AGBL4: variants seen among roughly 807,000 people sequenced by gnomAD.
AGBL4 encodes AGBL carboxypeptidase 4.
Under a neutral mutation model 66.4 loss-of-function variants are expected in AGBL4, and 58 were observed. The observed-to-expected ratio is 0.87, with a 90% CI of 0.71 to 1.09. The LOEUF (loss-of-function observed/expected upper bound fraction) is 1.09, where lower values mean the gene tolerates loss of function less well. AGBL4 is among the 50% of genes least tolerant of loss of function. The pLI, the probability that AGBL4 is intolerant of heterozygous loss-of-function variation, is 0.00. For missense variants in AGBL4, 579 were observed against 631.0 expected (o/e 0.92, Z 0.88); for synonymous variants, 234 against 222.9 (o/e 1.05, Z -0.44).
chr1:49,473,327 A>G (rs1646784033), intron 3 of AGBL4, among the ~76,000 whole-genome samples: 2 of 152,010 alleles, frequency 1.3e-5, no homozygotes, highest in Non-Finnish European at 2.9e-5. Context: ...CTTTTTAATA[A>G]TAGCCATTCT....
chr1:48,945,835 T>C (rs958130480), intron 5 of AGBL4, among the ~76,000 whole-genome samples: 1 of 152,224 alleles, frequency 6.6e-6, no homozygotes, highest in Admixed American at 6.5e-5. Flanking sequence ...ATTAATTAGC[T>C]GTGTGATCAT....
chr1:48,554,103 C>T (rs1644287791), intron 11 of AGBL4, among the ~76,000 whole-genome samples: 1 of 152,120 alleles, frequency 6.6e-6, no homozygotes, highest in Admixed American at 6.5e-5. Context: ...TCCTGGGAAG[C>T]ATCAAATCCT....
intron 6 of AGBL4, among the ~76,000 whole-genome samples, chr1:48,788,488 G>A (rs745876202): frequency 1.3e-5 from 2 of 152,102 alleles, no homozygotes; most frequent in Non-Finnish European, 2.9e-5. Flanking sequence ...ATAAATTGTA[G>A]GACTTAAGTT....
chr1:49,070,982 G>A (rs1450318657), intron 4 of AGBL4, among the ~76,000 whole-genome samples: 2 of 151,958 alleles, frequency 1.3e-5, no homozygotes, highest in African/African-American at 4.9e-5. Flanking sequence ...GAGGGTGTAA[G>A]CATCCAGGAA....
At chr1:49,453,140 G>A (rs575605944) in intron 3 of AGBL4, among the ~76,000 whole-genome samples, 2 of 151,984 alleles carry the variant, frequency 1.3e-5, no homozygotes, top group Non-Finnish European at 2.9e-5. Context: ...AGGTGACTAA[G>A]GTCATGCCAC....
In AGBL4 at chr1:49,283,035, T is replaced by A. The variant is rs113451290; in HGVS notation, c.283-37171A>T. The stretch of plus-strand genomic sequence containing the variant: ...GTGCCCACCACAGCTCAAGAAGGCC[T>A]GCCTGCCTCTGTAGGCTCCACCTCT... On this transcript the variant is annotated intron_variant, in intron 3 of 13. Coordinates refer to ENST00000371839, the MANE Select transcript of AGBL4 (RefSeq NM_032785.4). Among the ~76,000 whole-genome samples, 264 of 152,342 alleles carry A rather than the reference T, an allele frequency of 1.7e-3. 1 individual carries two copies. Among genetic ancestry groups the A allele is most frequent in the African/African-American group, 5.9e-3 (246 of 41,580 alleles).
Position 49,832,358 on chromosome 1 carries a change from G to A in AGBL4, c.157+19038C>T, listed in dbSNP as rs1436299991. ...TTTTTATGGCTGCATAGTATTCCAT[G>A]GTGTATATGTGCCACATTTTCTTAA... is the stretch of plus-strand genomic sequence containing the variant. On this transcript the variant is annotated intron_variant, in intron 2 of 13. Coordinates refer to ENST00000371839, the MANE Select transcript of AGBL4 (RefSeq NM_032785.4). Among the ~76,000 whole-genome samples the A allele has an allele frequency of 4.0e-5, 6 of 150,256 alleles. No individual in the cohort carries two copies. In the East Asian group the frequency reaches 9.7e-4, roughly 24 times the overall value.
At chr1:48,954,587 A>G (rs567803093) in intron 5 of AGBL4, among the ~76,000 whole-genome samples, 1 of 152,322 alleles carries the variant, frequency 6.6e-6, no homozygotes, top group South Asian at 2.1e-4. Context: ...GCATGAGGTT[A>G]TTATTATTAG....
intron 5 of AGBL4, among the ~76,000 whole-genome samples, chr1:48,977,816 A>C (rs2148960934): frequency 6.6e-6 from 1 of 152,304 alleles, no homozygotes; most frequent in South Asian, 2.1e-4. Context: ...CCAGAGGATT[A>C]TCTGCGAAGC....
chr1:49,868,932 A>C (rs540712224), intron 1 of AGBL4, among the ~76,000 whole-genome samples: 115 of 152,216 alleles, frequency 7.6e-4, no homozygotes, highest in Non-Finnish European at 1.4e-3. Context: ...ATCCCATTAA[A>C]AAGTGGGCAA....
intron 3 of AGBL4, among the ~76,000 whole-genome samples, chr1:49,489,469 T>G (rs1647142350): frequency 6.6e-6 from 1 of 152,106 alleles, no homozygotes; most frequent in South Asian, 2.1e-4. Flanking sequence ...ACATATTTTC[T>G]CCCATTCTGT....
chr1:48,924,532 G>A (rs759496975), intron 5 of AGBL4, among the ~76,000 whole-genome samples: 1 of 152,166 alleles, frequency 6.6e-6, no homozygotes, highest in South Asian at 2.1e-4. Flanking sequence ...ACAAATTGAA[G>A]TAAACTAATT....
intron 3 of AGBL4, among the ~76,000 whole-genome samples, chr1:49,669,706 T>G (rs991372151): frequency 6.6e-6 from 1 of 152,168 alleles, no homozygotes; most frequent in Non-Finnish European, 1.5e-5. Context: ...CCAGATACTT[T>G]GTGTTAGGTG....
intron 8 of AGBL4, among the ~76,000 whole-genome samples, chr1:48,641,820 ACT>A (rs1386897422): frequency 6.6e-6 from 1 of 151,606 alleles, no homozygotes; most frequent in East Asian, 1.9e-4. Flanking sequence ...CCACCATTAT[ACT>A]CTGTCTTAGC....
intron 5 of AGBL4, among the ~76,000 whole-genome samples, chr1:48,879,781 A>G (rs1649592302): frequency 6.6e-6 from 1 of 152,166 alleles, no homozygotes; most frequent in Non-Finnish European, 1.5e-5. Flanking sequence ...TAAATTGCCC[A>G]AGTCGTACAG....
intron 3 of AGBL4, among the ~76,000 whole-genome samples, chr1:49,358,189 GT>G (rs1290821777): frequency 1.3e-5 from 2 of 152,074 alleles, no homozygotes; most frequent in African/African-American, 2.4e-5. Context: ...CCCCACCTGG[GT>G]TTTATCAGAC....
intron 5 of AGBL4, among the ~76,000 whole-genome samples, chr1:49,041,002 T>A (rs1004187466): frequency 2.6e-5 from 4 of 152,112 alleles, no homozygotes; most frequent in African/African-American, 9.7e-5. Flanking sequence ...AAATGGCAGA[T>A]CACGGTTTTA....
At chr1:49,858,949 G>A (rs1308323773) in intron 1 of AGBL4, among the ~76,000 whole-genome samples, 5 of 113,884 alleles carry the variant, frequency 4.4e-5, no homozygotes, top group Non-Finnish European at 8.9e-5. Context: ...CTGGGAGGCA[G>A]AGTTTGCAGC....
rs190781288 is a variant in AGBL4 at position 49,515,524 on chromosome 1, A to C, written c.282+181789T>G. Among the ~76,000 whole-genome samples, 575 of 152,044 alleles carry C rather than the reference A, an allele frequency of 3.8e-3. 7 individuals are homozygous for C. The highest frequency in any genetic ancestry group is 0.013 in the African/African-American group (532 of 41,520). ...AACTAGAAATACCATTTGACCCAGC[A>C]ATCCCATTACTGGGTATATACCCAA... On this transcript the variant is annotated intron_variant, in intron 3 of 13. Coordinates refer to ENST00000371839, the MANE Select transcript of AGBL4 (RefSeq NM_032785.4).
Sources: gnomAD v4.1 joint callset for allele counts (sites outside exome capture counted in the v4.1 genomes callset) on GRCh38, gnomAD v4.1.1 for gene constraint, MANE v1.5 for transcripts, NCBI Gene and HGNC (gene_info 2026-07-23, HGNC 2026-07-21) for gene names.